The following MARCHF8 variants were observed in gnomAD, a reference collection of about 807,000 sequenced individuals.
The protein encoded by MARCHF8 is E3 ubiquitin-protein ligase MARCHF8.
In MARCHF8, 40 loss-of-function variants were observed where a neutral mutation model predicts 51.6. The ratio of observed to expected loss-of-function variants is 0.77; its 90% CI spans 0.60 to 1.01. The LOEUF (loss-of-function observed/expected upper bound fraction) is 1.01, where lower values mean the gene tolerates loss of function less well. Ranked by LOEUF, MARCHF8 falls within the 50% of genes least tolerant of loss-of-function variation. The probability of loss-of-function intolerance (pLI) is 0.00; values close to 1 mark genes in which losing one functional copy is unlikely to be tolerated. For synonymous variants in MARCHF8, 263 were observed against 280.3 expected (o/e 0.94, Z 0.62); for missense variants, 685 against 708.6 (o/e 0.97, Z 0.38).
In MARCHF8 at chr10:45,459,284, G is replaced by A. The variant is rs747552017; in HGVS notation, c.1270-17C>T. 1 of 1,613,180 alleles carries A rather than the reference G, an allele frequency of 6.2e-7. No homozygotes were observed. The highest frequency in any genetic ancestry group is 8.5e-7 in the Non-Finnish European group (1 of 1,179,724). ...CTTCTCCCACTAGAAAGACAACACA[G>A]AGTGTGAGGCTCAGGCTTCTGGGGA... On this transcript the variant is annotated splice_polypyrimidine_tract_variant and intron_variant, in intron 6 of 7. Transcript: ENST00000453424.
Position 45,463,949 on chromosome 10 carries a change from G to A in MARCHF8, c.290C>T (p.Ser97Phe). 6.5e-7 allele frequency: 1 copy of A among 1,536,162 alleles called. No homozygotes were observed. The highest frequency in any genetic ancestry group is 8.7e-7 in the Non-Finnish European group (1 of 1,146,912). The stretch of plus-strand genomic sequence containing the variant: ...GTGAGGAGCTTTCGAGACAACAGCA[G>A]ACTGCACGGAACTGTGGTGACAACA... ...SECCHHSSVQSAVVSKAPHCQ... is the reference protein window; with the variant it reads ...SECCHHSSVQFAVVSKAPHCQ... The change falls in exon 5 of 8, where the codon TCT (serine) becomes TTT (phenylalanine). Residue 97 changes from serine (S) to phenylalanine (F), a missense_variant. Coordinates refer to ENST00000453424, the MANE Select transcript of MARCHF8 (RefSeq NM_001282866.2).
At chr10:45,519,744 T>C (rs997233565) in intron 2 of MARCHF8, among the ~76,000 whole-genome samples, 4 of 152,216 alleles carry the variant, frequency 2.6e-5, no homozygotes, top group African/African-American at 9.7e-5. Flanking sequence ...ATTTGGACCA[T>C]GGGCTATGAT....
chr10:45,463,882 G>C lies in MARCHF8; in HGVS notation c.357C>G (p.Ile119Met). 6.5e-7 allele frequency: 1 copy of C among 1,537,448 alleles called. No homozygotes were observed. Among genetic ancestry groups the C allele is most frequent in the Non-Finnish European group, 8.7e-7 (1 of 1,146,940 alleles). Residue 119 changes from isoleucine (I) to methionine (M), a missense_variant, in exon 5 of 8, where the codon ATC becomes ATG. Transcript: ENST00000453424. ...SLTQGLTVTV[I>M]CKDTLQASKR... ...TTGACGCCTGTAATGTGTCCTTACA[G>C]ATAACTGTCACAGTGAGCCCTTGTG...
Position 45,505,499 on chromosome 10 carries a change from T to A in MARCHF8, c.103-16082A>T, listed in dbSNP as rs150085828. 4.4e-4 allele frequency among the ~76,000 whole-genome samples: 67 copies of A among 152,372 alleles called. 1 individual carries two copies. In the East Asian group the frequency reaches 0.013, roughly 29 times the overall value. On this transcript the variant is annotated intron_variant, in intron 2 of 7. Coordinates refer to ENST00000453424, the MANE Select transcript of MARCHF8 (RefSeq NM_001282866.2). The stretch of plus-strand genomic sequence containing the variant: ...GGCTTGTAATTAATGCCAGATGTGA[T>A]CTAGTTACTGTTTAAGCCAGAAAAC...
At chr10:45,539,738 A>G (rs2044024580), upstream of MARCHF8, among the ~76,000 whole-genome samples, 1 of 152,028 alleles carries the variant, frequency 6.6e-6, no homozygotes, top group Non-Finnish European at 1.5e-5. Context: ...GATAAAGTCA[A>G]TTAGGAAAAG....
chr10:45,545,681 G>A (rs1007181034), intron 1 of MARCHF8, among the ~76,000 whole-genome samples: 2 of 152,182 alleles, frequency 1.3e-5, no homozygotes, highest in Non-Finnish European at 2.9e-5. Context: ...TTACAGATAA[G>A]AAATTTCAAC....
chr10:45,582,835 A>G lies in MARCHF8; in HGVS notation c.-79+11400T>C, dbSNP rs185582383. On this transcript the variant is annotated intron_variant, in intron 1 of 6. Coordinates refer to the MARCHF8 transcript ENST00000319836. Reference sequence around the variant, plus strand: ...CTAGGTAACTTAACTTAAAAAATACATAAGAAAGGAAATGTAGTCATAGAC... The same window carrying G: ...CTAGGTAACTTAACTTAAAAAATACGTAAGAAAGGAAATGTAGTCATAGAC... Among the ~76,000 whole-genome samples the G allele has an allele frequency of 3.7e-3, 565 of 152,366 alleles. 1 individual carries two copies. Among genetic ancestry groups the G allele is most frequent in the Non-Finnish European group, 5.6e-3 (383 of 68,034 alleles).
intron 7 of MARCHF8, 142 bp downstream of exon 7, chr10:45,458,978 A>C: frequency 2.0e-6 from 2 of 999,690 alleles, no homozygotes; most frequent in South Asian, 3.0e-5. Flanking sequence ...AGAAATGCCA[A>C]AAAGGAGGCT....
intron 2 of MARCHF8, among the ~76,000 whole-genome samples, chr10:45,517,139 C>G (rs1478399862): frequency 1.3e-5 from 2 of 152,192 alleles, no homozygotes; most frequent in African/African-American, 2.4e-5. Flanking sequence ...GGAGTATCAG[C>G]TAGTTGACAG....
intron 3 of MARCHF8, among the ~76,000 whole-genome samples, chr10:45,483,566 T>A (rs920671713): frequency 2.0e-5 from 3 of 152,060 alleles, no homozygotes; most frequent in African/African-American, 7.2e-5. Context: ...CACTACAGAG[T>A]ATTTCCCCAG....
chr10:45,489,241 G>T, intron 3 of MARCHF8, 126 bp downstream of exon 3: 1 of 734,428 alleles, frequency 1.4e-6, no homozygotes, highest in East Asian at 2.7e-5. Context: ...TCCCAGAACA[G>T]ATTACAGAAA....
At chr10:45,534,583 A>G (rs949932215) in intron 1 of MARCHF8, among the ~76,000 whole-genome samples, 1 of 152,226 alleles carries the variant, frequency 6.6e-6, no homozygotes, top group African/African-American at 2.4e-5. Flanking sequence ...CAGAAGGTTT[A>G]ATGTAGTAAA....
At chr10:45,543,059 T>G (rs12776291) in intron 1 of MARCHF8, among the ~76,000 whole-genome samples, 2 of 152,216 alleles carry the variant, frequency 1.3e-5, no homozygotes, top group Non-Finnish European at 2.9e-5. Context: ...CTGGCTTCAG[T>G]ACAGTAAGGT....
chr10:45,546,962 T>C (rs1199140771), intron 1 of MARCHF8, among the ~76,000 whole-genome samples: 1 of 152,088 alleles, frequency 6.6e-6, no homozygotes, highest in East Asian at 1.9e-4. Flanking sequence ...GTGGCTTGTA[T>C]CTGTAGTCCC....
At chr10:45,481,220 T>C (rs1052425862) in intron 3 of MARCHF8, among the ~76,000 whole-genome samples, 6 of 152,240 alleles carry the variant, frequency 3.9e-5, no homozygotes, top group Admixed American at 3.9e-4. Context: ...CCATTGTATC[T>C]AGAAACTAAC....
chr10:45,458,247 G>C lies in MARCHF8; in HGVS notation c.1714C>G (p.His572Asp). ...TGACAACCCGCACACAATCAGACGT[G>C]AATGATTTCTGCTCCAGTGTCTTCA... is the stretch of plus-strand genomic sequence containing the variant. Reference protein sequence around the residue: ...EPEDTGAEIIHV With the variant: ...EPEDTGAEIIDV Residue 572 changes from histidine (H) to aspartate (D), a missense_variant, in exon 8 of 8, where the codon CAC becomes GAC. Coordinates refer to ENST00000453424, the MANE Select transcript of MARCHF8 (RefSeq NM_001282866.2). 1 of 1,609,526 alleles carries C rather than the reference G, an allele frequency of 6.2e-7. No homozygotes were observed. Among genetic ancestry groups the C allele is most frequent in the South Asian group, 1.1e-5 (1 of 90,556 alleles).
At chr10:45,486,098 AG>A (rs2042974382) in intron 3 of MARCHF8, among the ~76,000 whole-genome samples, 1 of 152,186 alleles carries the variant, frequency 6.6e-6, no homozygotes, top group African/African-American at 2.4e-5. Context: ...TCGTTACAAA[AG>A]GGTACACTTT....
chr10:45,553,535 AC>A (rs2133344851), intron 1 of MARCHF8, among the ~76,000 whole-genome samples: 1 of 152,352 alleles, frequency 6.6e-6, no homozygotes, highest in African/African-American at 2.4e-5. Context: ...AAAGACAACA[AC>A]AACAACAAAA....
rs1172601269 is a variant in MARCHF8 at position 45,457,907 on chromosome 10, C to G, written c.*332G>C. Reference sequence around the variant, plus strand: ...AGGCGGCTGGGTATCAGGGCCTGGGCACCCCTGCTCCTCCTCTTCCCTTGG... The same window carrying G: ...AGGCGGCTGGGTATCAGGGCCTGGGGACCCCTGCTCCTCCTCTTCCCTTGG... On this transcript the variant is annotated 3_prime_UTR_variant, in exon 8 of 8. Coordinates refer to ENST00000453424, the MANE Select transcript of MARCHF8 (RefSeq NM_001282866.2). The G allele has an allele frequency of 7.4e-6, 2 of 270,290 alleles. No homozygotes were observed. Among genetic ancestry groups the G allele is most frequent in the Non-Finnish European group, 1.4e-5 (2 of 146,046 alleles). 16.7% of individuals were successfully genotyped at this position (270,290 alleles called of 1,614,324 possible). A position where few individuals can be genotyped will look rare whatever the true frequency, so the allele number is the denominator to read the frequency against.
Sources: allele counts gnomAD v4.1 joint callset (sites outside exome capture counted in the v4.1 genomes callset), GRCh38; gene constraint gnomAD v4.1.1; transcripts MANE v1.5; gene names NCBI Gene and HGNC (gene_info 2026-07-23, HGNC 2026-07-21).